The following NLGN1 variants were observed in gnomAD, a reference collection of about 807,000 sequenced individuals.
NLGN1 encodes neuroligin 1, also known as neuroligin-1.
A neutral mutation model predicts 65.5 loss-of-function variants in NLGN1; 12 were observed. The ratio of observed to expected loss-of-function variants is 0.18; its 90% confidence interval spans 0.12 to 0.30. NLGN1 has a LOEUF of 0.30. Among genes scored for constraint, NLGN1 ranks in the 10% least tolerant of loss-of-function variants. The pLI is 1.00. For missense variants in NLGN1, 750 were observed against 1,007.1 expected (o/e 0.74, Z 3.46); for synonymous variants, 350 against 359.5 (o/e 0.97, Z 0.30).
intron 3 of NLGN1, among the ~76,000 whole-genome samples, chr3:173,691,228 T>G (rs1020691436): frequency 3.3e-5 from 5 of 152,078 alleles, no homozygotes; most frequent in Admixed American, 2.6e-4. Context: ...CAAACCCCTC[T>G]TTAGCCCATT....
chr3:173,905,136 G>A (rs1329515182), intron 4 of NLGN1, among the ~76,000 whole-genome samples: 1 of 152,172 alleles, frequency 6.6e-6, no homozygotes, highest in African/African-American at 2.4e-5. Flanking sequence ...GTTTGCCTGA[G>A]TTCTCTTTCC....
chr3:174,253,959 T>C (rs571202799), intron 4 of NLGN1, among the ~76,000 whole-genome samples: 3 of 152,300 alleles, frequency 2.0e-5, no homozygotes, highest in African/African-American at 4.8e-5. Flanking sequence ...CTCCAGAGGA[T>C]TGCGGAAGCC....
chr3:173,999,048 G>A (rs565682175), intron 4 of NLGN1, among the ~76,000 whole-genome samples: 1 of 152,240 alleles, frequency 6.6e-6, no homozygotes, highest in Non-Finnish European at 1.5e-5. Flanking sequence ...TAATCTTCAG[G>A]CATAGAGCAT....
chr3:174,167,453 T>A (rs1034909936), intron 4 of NLGN1, among the ~76,000 whole-genome samples: 9 of 152,182 alleles, frequency 5.9e-5, no homozygotes, highest in African/African-American at 1.7e-4. Context: ...ATTAGTTTGG[T>A]GGGATATGAA....
At chr3:174,293,940 T>A in the NLGN1 span, among the ~76,000 whole-genome samples, 49 of 151,728 alleles carry the variant, frequency 3.2e-4, no homozygotes, top group African/African-American at 1.0e-3. Flanking sequence ...CTACAAGAAA[T>A]GGAATGTAAT....
intron 3 of NLGN1, among the ~76,000 whole-genome samples, chr3:173,739,468 G>C (rs1162869938): frequency 6.6e-6 from 1 of 152,050 alleles, no homozygotes; most frequent in African/African-American, 2.4e-5. Context: ...AGGAAACATT[G>C]CTTATCTTGT....
intron 3 of NLGN1, among the ~76,000 whole-genome samples, chr3:173,669,102 G>T (rs1316630679): frequency 6.6e-6 from 1 of 152,294 alleles, no homozygotes; most frequent in East Asian, 1.9e-4. Context: ...ACACTGGGAA[G>T]TCATTGCCGG....
intron 4 of NLGN1, among the ~76,000 whole-genome samples, chr3:174,241,715 A>G (rs560821089): frequency 3.6e-4 from 54 of 149,534 alleles, no homozygotes; most frequent in Non-Finnish European, 6.2e-4. Context: ...GTGCAGTGGC[A>G]CGATCTCGGC....
chr3:173,752,593 T>G (rs1776465330), intron 3 of NLGN1, among the ~76,000 whole-genome samples: 1 of 152,166 alleles, frequency 6.6e-6, no homozygotes, highest in Non-Finnish European at 1.5e-5. Context: ...TCTTTGTTAT[T>G]TTCTTACCTA....
intron 4 of NLGN1, among the ~76,000 whole-genome samples, chr3:173,848,409 G>A (rs1485793562): frequency 6.6e-6 from 1 of 152,156 alleles, no homozygotes; most frequent in Non-Finnish European, 1.5e-5. Flanking sequence ...CAGATAAACA[G>A]ACTCCCCTTT....
intron 3 of NLGN1, among the ~76,000 whole-genome samples, chr3:173,668,347 A>G (rs1235660281): frequency 6.6e-6 from 1 of 152,186 alleles, no homozygotes; most frequent in African/African-American, 2.4e-5. Context: ...AGGCTCAACT[A>G]AAAGACTCAC....
chr3:173,943,249 T>C (rs1397448163), intron 4 of NLGN1, among the ~76,000 whole-genome samples: 1 of 151,396 alleles, frequency 6.6e-6, no homozygotes, highest in African/African-American at 2.4e-5. Context: ...TAATGAAGGG[T>C]ATAAAAATAT....
intron 2 of NLGN1, among the ~76,000 whole-genome samples, chr3:173,523,587 G>A (rs561328453): frequency 6.6e-6 from 1 of 151,542 alleles, no homozygotes; most frequent in Admixed American, 6.6e-5. Flanking sequence ...TTATTTCTGG[G>A]TTCTCTATTC....
intron 4 of NLGN1, among the ~76,000 whole-genome samples, chr3:173,859,737 G>T (rs1432624032): frequency 6.6e-6 from 1 of 151,860 alleles, no homozygotes; most frequent in African/African-American, 2.4e-5. Context: ...TTTAGAGGTG[G>T]TCTAAACAAT....
intron 4 of NLGN1, among the ~76,000 whole-genome samples, chr3:174,053,910 T>C (rs1735471827): frequency 6.6e-6 from 1 of 152,020 alleles, no homozygotes; most frequent in Admixed American, 6.6e-5. Context: ...AAATTTTCAA[T>C]ATAAGGATTT....
chr3:173,720,079 A>T (rs1770569403), intron 3 of NLGN1, among the ~76,000 whole-genome samples: 1 of 152,206 alleles, frequency 6.6e-6, no homozygotes, highest in South Asian at 2.1e-4. Context: ...ATGCCACTGC[A>T]TTCCAGCCTA....
intron 2 of NLGN1, among the ~76,000 whole-genome samples, chr3:173,450,430 A>T (rs188951376): frequency 1.3e-5 from 2 of 152,118 alleles, no homozygotes; most frequent in Non-Finnish European, 2.9e-5. Flanking sequence ...CTGAGAGATC[A>T]GCTGTTAGTC....
chr3:173,911,088 C>T lies in NLGN1; in HGVS notation c.646+103256C>T, dbSNP rs561614088. Among the ~76,000 whole-genome samples, 4 of 152,256 alleles carry T rather than the reference C, an allele frequency of 2.6e-5. No homozygotes were observed. In the East Asian group the frequency reaches 7.7e-4, roughly 29 times the overall value. On this transcript the variant is annotated intron_variant, in intron 4 of 6. Coordinates refer to ENST00000457714, the Ensembl canonical transcript of NLGN1. ...CTAAATTTGTGAAAAATCTCCTAAA[C>T]TCACTGTACTTGCAGAAAGAAAACA...
intron 2 of NLGN1, among the ~76,000 whole-genome samples, chr3:173,448,006 A>G (rs1371079972): frequency 6.6e-6 from 1 of 152,224 alleles, no homozygotes; most frequent in Non-Finnish European, 1.5e-5. Context: ...GTCATCTGCA[A>G]ACAGGGACAA....
Sources: allele counts gnomAD v4.1 joint callset (sites outside exome capture counted in the v4.1 genomes callset), GRCh38; gene constraint gnomAD v4.1.1; transcripts MANE v1.5; gene names NCBI Gene and HGNC (gene_info 2026-07-23, HGNC 2026-07-21).